FAM13A: variants seen among roughly 807,000 people sequenced by gnomAD.
The protein encoded by FAM13A is protein FAM13A.
Under a neutral mutation model 129.6 loss-of-function variants are expected in FAM13A, and 76 were observed. The observed-to-expected ratio is 0.59, with a 90% CI of 0.49 to 0.71. FAM13A has a LOEUF of 0.71. Among genes scored for constraint, FAM13A ranks in the 30% least tolerant of loss-of-function variants. The pLI, the probability that FAM13A is intolerant of heterozygous loss-of-function variation, is 0.00. For synonymous variants in FAM13A, 443 were observed against 449.9 expected, an observed-to-expected ratio of 0.98 and a Z score of 0.20; for missense variants, 1,108 against 1,249.3, an observed-to-expected ratio of 0.89 and a Z score of 1.70.
At chr4:88,960,913 CT>C (rs1252137593) in intron 4 of FAM13A, among the ~76,000 whole-genome samples, 2 of 152,150 alleles carry the variant, frequency 1.3e-5, no homozygotes, top group Non-Finnish European at 2.9e-5. Context: ...CATAAAGAAA[CT>C]TTAAAAAAAT....
At chr4:88,869,553 T>C (rs1271007273) in intron 6 of FAM13A, among the ~76,000 whole-genome samples, 1 of 152,254 alleles carries the variant, frequency 6.6e-6, no homozygotes, top group Admixed American at 6.5e-5. Context: ...TCAAGAGGTC[T>C]TCCCTGATGT....
intron 8 of FAM13A, among the ~76,000 whole-genome samples, chr4:88,804,120 G>C (rs1184277573): frequency 6.6e-6 from 1 of 152,062 alleles, no homozygotes; most frequent in Non-Finnish European, 1.5e-5. Context: ...CGGGCGTGGT[G>C]GTGGGTGCCT....
chr4:89,023,996 T>C (rs983278885), intron 2 of FAM13A, among the ~76,000 whole-genome samples: 5 of 152,196 alleles, frequency 3.3e-5, no homozygotes, highest in African/African-American at 1.2e-4. Context: ...GAGCTCCTAT[T>C]ATATTTGATT....
At chr4:88,739,171 C>CACA in intron 19 of FAM13A, 46 bp from the exon 20 acceptor site, 1 of 1,303,432 alleles carries the variant, frequency 7.7e-7, no homozygotes, top group Non-Finnish European at 1.1e-6. Flanking sequence ...TGCTGGGAGT[C>CACA]ACAACCAGCT....
intron 1 of FAM13A, among the ~76,000 whole-genome samples, chr4:89,048,269 A>G (rs1003065920): frequency 1.3e-5 from 2 of 152,214 alleles, no homozygotes; most frequent in Non-Finnish European, 2.9e-5. Flanking sequence ...AAAATGTGAT[A>G]TATCATAAAC....
chr4:88,988,520 A>G (rs1762547118), intron 4 of FAM13A, among the ~76,000 whole-genome samples: 2 of 152,240 alleles, frequency 1.3e-5, no homozygotes, highest in Non-Finnish European at 2.9e-5. Flanking sequence ...AAATGGTTCA[A>G]CAAAAAATAC....
At chr4:88,756,437 G>T (rs780103878) in intron 14 of FAM13A, among the ~76,000 whole-genome samples, 1 of 152,310 alleles carries the variant, frequency 6.6e-6, no homozygotes, top group South Asian at 2.1e-4. Flanking sequence ...CGCCTCTGCA[G>T]TTAAGTATTG....
chr4:88,916,009 T>C (rs946987605), intron 5 of FAM13A, among the ~76,000 whole-genome samples: 1 of 151,832 alleles, frequency 6.6e-6, no homozygotes, highest in African/African-American at 2.4e-5. Flanking sequence ...TGCAGAACTG[T>C]GGGCCAAAGA....
intron 7 of FAM13A, among the ~76,000 whole-genome samples, chr4:88,824,400 T>C (rs1262532767): frequency 6.6e-6 from 1 of 152,220 alleles, no homozygotes; most frequent in Non-Finnish European, 1.5e-5. Context: ...CATCTGCTTT[T>C]CTTTGCTATA....
At chr4:88,852,561 A>G (rs759496689) in intron 6 of FAM13A, among the ~76,000 whole-genome samples, 3 of 152,166 alleles carry the variant, frequency 2.0e-5, no homozygotes, top group African/African-American at 7.2e-5. Flanking sequence ...CTTTAATCTA[A>G]GTTTTCTCAT....
At chr4:88,864,536 G>C (rs1365024895) in intron 6 of FAM13A, among the ~76,000 whole-genome samples, 1 of 151,900 alleles carries the variant, frequency 6.6e-6, no homozygotes, top group African/African-American at 2.4e-5. Flanking sequence ...AGCCTCCCGA[G>C]TAGCTGGGAC....
At chr4:88,934,854 CATATACATTCTCATATTTCTCCA>C (rs1753600189) in intron 5 of FAM13A, among the ~76,000 whole-genome samples, 1 of 152,190 alleles carries the variant, frequency 6.6e-6, no homozygotes, top group Non-Finnish European at 1.5e-5. Context: ...CAAGGGCCAA[CATATACATTCTCATATTTCTCCA>C]AATGTCACAG....
At chr4:88,878,098 G>A (rs1742873413) in intron 6 of FAM13A, among the ~76,000 whole-genome samples, 1 of 151,892 alleles carries the variant, frequency 6.6e-6, no homozygotes, top group African/African-American at 2.4e-5. Context: ...GACCATCCTG[G>A]CTAACACGGT....
intron 6 of FAM13A, among the ~76,000 whole-genome samples, chr4:88,861,140 G>A (rs1422561630): frequency 3.9e-5 from 6 of 151,948 alleles, no homozygotes; most frequent in Admixed American, 3.9e-4. Flanking sequence ...GACATCTTTG[G>A]GAGTCTGAGG....
At chr4:88,837,927 G>T (rs570977667) in intron 7 of FAM13A, among the ~76,000 whole-genome samples, 6 of 151,922 alleles carry the variant, frequency 3.9e-5, no homozygotes, top group Non-Finnish European at 8.8e-5. Context: ...CCACATCTAT[G>T]GATTCAACCA....
chr4:88,926,478 A>G (rs1247656515), intron 5 of FAM13A, among the ~76,000 whole-genome samples: 1 of 152,200 alleles, frequency 6.6e-6, no homozygotes, highest in Non-Finnish European at 1.5e-5. Flanking sequence ...ATCTCACTGG[A>G]AACAGTTTAA....
chr4:89,044,095 CA>C (rs148233625), intron 1 of FAM13A, among the ~76,000 whole-genome samples: 3 of 116,160 alleles, frequency 2.6e-5, no homozygotes, highest in Non-Finnish European at 3.5e-5. Flanking sequence ...GAGACCATAT[CA>C]AAAAAAAAGA....
rs577919600 is a variant in FAM13A at position 88,744,589 on chromosome 4, G to C, written c.2466+2343C>G. On this transcript the variant is annotated intron_variant, in intron 19 of 23. Coordinates refer to ENST00000264344, the MANE Select transcript of FAM13A (RefSeq NM_014883.4). ...AAAATCCATTGAGTTTTGAGCACCT[G>C]CTTTTCTAAACAATTGGGGTTTGGA... Among the ~76,000 whole-genome samples the C allele has an allele frequency of 4.6e-5, 7 of 152,258 alleles. No individual in the cohort carries two copies. The East Asian group carries it at 1.4e-3, about 29-fold the overall frequency.
At chr4:88,732,874 G>T (rs1738150038) in intron 21 of FAM13A, among the ~76,000 whole-genome samples, 1 of 150,864 alleles carries the variant, frequency 6.6e-6, no homozygotes, top group Non-Finnish European at 1.5e-5. Context: ...GATATTCTCG[G>T]TCTGTATTGA....
Sources: allele counts gnomAD v4.1 joint callset (sites outside exome capture counted in the v4.1 genomes callset), GRCh38; gene constraint gnomAD v4.1.1; transcripts MANE v1.5; gene names NCBI Gene and HGNC (gene_info 2026-07-23, HGNC 2026-07-21).